The following ADISSP variants were observed in gnomAD, a reference collection of about 807,000 sequenced individuals.
The protein encoded by ADISSP is adipose secreted signaling protein, also known as adipose-secreted signaling protein.
At chr20:3,757,959 C>G in the ADISSP span, among the ~76,000 whole-genome samples, 1 of 152,078 alleles carries the variant, frequency 6.6e-6, no homozygotes, top group South Asian at 2.1e-4. Context: ...GATTTATTGA[C>G]CAACCTGAAG....
At chr20:3,766,637 C>CA in the ADISSP span, among the ~76,000 whole-genome samples, 4 of 152,344 alleles carry the variant, frequency 2.6e-5, no homozygotes, top group East Asian at 7.7e-4. Context: ...TCCCAAGAAG[C>CA]AGAGGCCAGG....
At chr20:3,760,275 A>C in the ADISSP span, 10 of 598,602 alleles carry the variant, frequency 1.7e-5, no homozygotes, top group Non-Finnish European at 6.0e-6. Context: ...TTTAGGAAGG[A>C]CTCAAACCCC....
At chr20:3,758,585 T>A in the ADISSP span, 1 of 1,613,654 alleles carries the variant, frequency 6.2e-7, no homozygotes, top group Non-Finnish European at 8.5e-7. This position sits in a 1 kb window ranked among gnomAD's most constrained non-coding sequence, Gnocchi z 5.5. Context: ...GACCACCGAG[T>A]CATGCAGCTT....
chr20:3,760,709 C>T, the ADISSP span, among the ~76,000 whole-genome samples: 2 of 152,104 alleles, frequency 1.3e-5, no homozygotes, highest in African/African-American at 2.4e-5. Context: ...TCCTGGTGAT[C>T]GGTCAGGGCC....
chr20:3,755,314 G>T, the ADISSP span: 1 of 662,944 alleles, frequency 1.5e-6, no homozygotes. Flanking sequence ...AAGGCCTGGA[G>T]TGTGGGACCT....
the ADISSP span, among the ~76,000 whole-genome samples, chr20:3,766,846 C>A: frequency 2.0e-5 from 3 of 152,172 alleles, no homozygotes; most frequent in Non-Finnish European, 2.9e-5. Flanking sequence ...AGAAAAATGC[C>A]CTACCTCCAC....
At chr20:3,762,349 T>C in the ADISSP span, among the ~76,000 whole-genome samples, 53 of 152,250 alleles carry the variant, frequency 3.5e-4, no homozygotes, top group East Asian at 8.3e-3. Context: ...CTACAGCTGA[T>C]TACACAGCTG....
At chr20:3,767,942 C>A in the ADISSP span, 2 of 152,292 alleles carry the variant, frequency 1.3e-5, no homozygotes, top group South Asian at 4.1e-4. Context: ...GCCTGCCGGG[C>A]GAGCTCTCGC....
the ADISSP span, chr20:3,754,643 G>T: frequency 1.0e-6 from 1 of 988,918 alleles, no homozygotes; most frequent in Non-Finnish European, 1.5e-6. Flanking sequence ...CAAGAAAGGG[G>T]CAGGGATGGC....
At chr20:3,754,605 C>T in the ADISSP span, 3 of 1,384,984 alleles carry the variant, frequency 2.2e-6, no homozygotes, top group Admixed American at 5.2e-5. Flanking sequence ...TACCCACCAC[C>T]ATGGGGGGAC....
At chr20:3,756,582 A>G in the ADISSP span, among the ~76,000 whole-genome samples, 9 of 152,186 alleles carry the variant, frequency 5.9e-5, no homozygotes, top group African/African-American at 9.7e-5. Flanking sequence ...TAGCCATTCA[A>G]TGGGACCAGG....
At chr20:3,763,255 CAAAA>C in the ADISSP span, among the ~76,000 whole-genome samples, 23 of 48,738 alleles carry the variant, frequency 4.7e-4, no homozygotes, top group Non-Finnish European at 8.1e-4. Context: ...GACTCTGTCT[CAAAA>C]AAAAAAAAAA....
the ADISSP span, among the ~76,000 whole-genome samples, chr20:3,758,031 T>C: frequency 2.6e-5 from 4 of 152,166 alleles, no homozygotes; most frequent in South Asian, 6.2e-4. This position sits in a 1 kb window ranked among gnomAD's most constrained non-coding sequence, Gnocchi z 5.5. Context: ...GTGATAATAC[T>C]ACTTCAAAGA....
At chr20:3,755,620 A>G in the ADISSP span, 1 of 1,582,696 alleles carries the variant, frequency 6.3e-7, no homozygotes, top group Non-Finnish European at 8.6e-7. Flanking sequence ...ACAGCAGGAG[A>G]GGTGAGGGAG....
the ADISSP span, chr20:3,754,458 C>G: frequency 6.2e-7 from 1 of 1,614,048 alleles, no homozygotes; most frequent in South Asian, 1.1e-5. Flanking sequence ...CGCAGGCTAG[C>G]AGTATCTCCT....
the ADISSP span, among the ~76,000 whole-genome samples, chr20:3,766,606 C>T: frequency 6.6e-6 from 1 of 152,184 alleles, no homozygotes; most frequent in Non-Finnish European, 1.5e-5. Context: ...TAGGCCCTGC[C>T]CTGGGCCTGT....
the ADISSP span, among the ~76,000 whole-genome samples, chr20:3,761,513 T>A: frequency 6.6e-6 from 1 of 152,120 alleles, no homozygotes; most frequent in East Asian, 1.9e-4. Context: ...TTTTTGTATT[T>A]TTAGTAGAGA....
At chr20:3,761,892 T>C in the ADISSP span, among the ~76,000 whole-genome samples, 1 of 152,210 alleles carries the variant, frequency 6.6e-6, no homozygotes. Context: ...ACAAATTTAA[T>C]GACTCCATGA....
chr20:3,760,866 A>G, the ADISSP span, among the ~76,000 whole-genome samples: 2 of 152,212 alleles, frequency 1.3e-5, no homozygotes, highest in African/African-American at 4.8e-5. Context: ...GGAAGCCTCC[A>G]ATGGGCCGAG....
Sources: allele counts gnomAD v4.1 joint callset (sites outside exome capture counted in the v4.1 genomes callset), GRCh38; gene constraint gnomAD v4.1.1; non-coding constraint Gnocchi (gnomAD v3.1); transcripts MANE v1.5; gene names NCBI Gene and HGNC (gene_info 2026-07-23, HGNC 2026-07-21).